Variants in FAAH2 observed in about 807,000 individuals in gnomAD.
FAAH2 encodes fatty-acid amide hydrolase 2.
Under a neutral mutation model 36.9 loss-of-function variants are expected in FAAH2, and 60 were observed. The ratio of observed to expected loss-of-function variants is 1.63; its 90% CI spans 1.32 to 2.02. FAAH2 has a LOEUF of 2.02. Among genes scored for constraint, FAAH2 ranks in the 30% most tolerant of loss-of-function variants. The probability of loss-of-function intolerance (pLI) is 0.00; values close to 1 mark genes in which losing one functional copy is unlikely to be tolerated. For missense variants in FAAH2, 689 were observed against 397.5 expected, an observed-to-expected ratio of 1.73 and a Z score of -6.23; for synonymous variants, 214 against 143.8, an observed-to-expected ratio of 1.49 and a Z score of -3.49.
chrX:57,368,149 C>A lies in FAAH2; in HGVS notation c.743-10502C>A, dbSNP rs183904154. 2.7e-5 allele frequency among the ~76,000 whole-genome samples: 3 copies of A among 110,905 alleles called. No individual in the cohort carries two copies. In the East Asian group the frequency reaches 8.6e-4, roughly 32 times the overall value. On this transcript the variant is annotated intron_variant, in intron 5 of 10. Transcript: ENST00000374900. ...CCCCATTCCAGTGTCTACCATACCC[C>A]AACCCTGGTTACTCCAAGCCTGGCT...
At chrX:57,360,840 C>T (rs769548530) in intron 5 of FAAH2, among the ~76,000 whole-genome samples, 3 of 110,120 alleles carry the variant, frequency 2.7e-5, no homozygotes, top group Non-Finnish European at 5.7e-5. Flanking sequence ...CCCCACCCAC[C>T]GACAGGCCCC....
intron 10 of FAAH2, among the ~76,000 whole-genome samples, chrX:57,483,073 G>A (rs1162486967): frequency 1.8e-5 from 2 of 111,349 alleles, no homozygotes; most frequent in Admixed American, 9.6e-5. Flanking sequence ...TTAGCAAAAT[G>A]TTCCTGAATT....
At chrX:57,270,353 C>T in the FAAH2 span, among the ~76,000 whole-genome samples, 1 of 111,641 alleles carries the variant, frequency 9.0e-6, no homozygotes, top group Non-Finnish European at 1.9e-5. Flanking sequence ...TGGACGCCTC[C>T]TTAATTCATT....
the FAAH2 span, among the ~76,000 whole-genome samples, chrX:57,192,917 A>G: frequency 8.6e-3 from 959 of 111,524 alleles, 9 homozygotes; most frequent in African/African-American, 0.03. Context: ...GCTGAGGAGG[A>G]TGTATGTCAC....
chrX:57,186,498 C>T, the FAAH2 span, among the ~76,000 whole-genome samples: 2 of 111,888 alleles, frequency 1.8e-5, no homozygotes, highest in Admixed American at 1.9e-4. Context: ...AAAATTTTCT[C>T]CTATTCCATG....
intron 3 of FAAH2, among the ~76,000 whole-genome samples, chrX:57,328,774 G>C (rs1015649827): frequency 9.0e-6 from 1 of 111,610 alleles, no homozygotes; most frequent in African/African-American, 3.3e-5. Context: ...TTTGATTATG[G>C]TATAAGGTAG....
chrX:57,449,133 A>G (rs954688247), intron 10 of FAAH2, among the ~76,000 whole-genome samples: 1 of 112,188 alleles, frequency 8.9e-6, no homozygotes, highest in Non-Finnish European at 1.9e-5. Flanking sequence ...TACTTGACTT[A>G]GCTATCATCC....
chrX:57,370,048 C>A (rs1158241177), intron 5 of FAAH2, among the ~76,000 whole-genome samples: 1 of 110,599 alleles, frequency 9.0e-6, no homozygotes, highest in Non-Finnish European at 1.9e-5. Context: ...CCACTAACAG[C>A]AAATTACAGC....
intron 7 of FAAH2, among the ~76,000 whole-genome samples, chrX:57,388,196 A>G (rs2055073755): frequency 9.0e-6 from 1 of 111,491 alleles, no homozygotes; most frequent in African/African-American, 3.3e-5. Context: ...TCTAAAGTTA[A>G]TAACTTTATA....
the FAAH2 span, among the ~76,000 whole-genome samples, chrX:57,163,118 C>T: frequency 8.9e-6 from 1 of 111,858 alleles, no homozygotes; most frequent in South Asian, 3.8e-4. Flanking sequence ...GAATACCCTG[C>T]CCTGTGAGGT....
the FAAH2 span, among the ~76,000 whole-genome samples, chrX:57,258,847 T>C: frequency 9.3e-6 from 1 of 107,451 alleles, no homozygotes; most frequent in Non-Finnish European, 1.9e-5. Context: ...TAGCTGGGAC[T>C]ACAGGCACCT....
At chrX:57,403,007 A>C (rs1402136792) in intron 7 of FAAH2, among the ~76,000 whole-genome samples, 3 of 112,159 alleles carry the variant, frequency 2.7e-5, no homozygotes, top group Non-Finnish European at 5.6e-5. Context: ...TCTCCATGTC[A>C]GATCAAAGGA....
At chrX:57,219,031 G>A in the FAAH2 span, among the ~76,000 whole-genome samples, 14 of 111,652 alleles carry the variant, frequency 1.3e-4, no homozygotes, top group East Asian at 2.8e-4. Context: ...CAGTGTGTGC[G>A]GCAGCATGCA....
intron 7 of FAAH2, among the ~76,000 whole-genome samples, chrX:57,424,061 T>G: frequency 9.0e-6 from 1 of 111,682 alleles, no homozygotes; most frequent in Non-Finnish European, 1.9e-5. Context: ...CCCCAGCTAC[T>G]CAGTAGGTCT....
intron 4 of FAAH2, among the ~76,000 whole-genome samples, chrX:57,335,329 T>G (rs1391460406): frequency 2.7e-5 from 3 of 111,610 alleles, no homozygotes; most frequent in Non-Finnish European, 5.6e-5. Context: ...CGTATTATTA[T>G]TGATCATTAT....
chrX:57,279,579 C>A, the FAAH2 span, among the ~76,000 whole-genome samples: 2 of 110,788 alleles, frequency 1.8e-5, no homozygotes, highest in African/African-American at 6.6e-5. Flanking sequence ...GCACATGTAA[C>A]CCCAAACTTA....
At position 57,447,703 on chromosome X, in the gene FAAH2, G is replaced by A. The variant is rs763756546; in HGVS notation, c.1228+664G>A. On this transcript the variant is annotated intron_variant, in intron 9 of 10. Transcript: ENST00000374900. ...CCCTTTTAGCCATGATTCTAGCCATGGCTAGAGGGGCTGGAATGCAGGGCA... is the reference window on the plus strand; with the variant it reads ...CCCTTTTAGCCATGATTCTAGCCATAGCTAGAGGGGCTGGAATGCAGGGCA... Among the ~76,000 whole-genome samples the A allele has an allele frequency of 1.3e-3, 131 of 102,808 alleles. 1 individual carries two copies. Among genetic ancestry groups the A allele is most frequent in the Admixed American group, 3.5e-3 (32 of 9,209 alleles). The allele number at this position is 102,808 out of a possible 115,157, so 89.3% of individuals were successfully genotyped here. A position where few individuals can be genotyped will look rare whatever the true frequency, so the allele number is the denominator to read the frequency against.
the FAAH2 span, among the ~76,000 whole-genome samples, chrX:57,170,899 A>G: frequency 2.7e-5 from 3 of 109,134 alleles, no homozygotes; most frequent in African/African-American, 6.7e-5. Context: ...TAGTAGAGAC[A>G]GGGTTTCACC....
the FAAH2 span, among the ~76,000 whole-genome samples, chrX:57,177,652 AAAAAG>A: frequency 3.1e-5 from 3 of 98,080 alleles, no homozygotes; most frequent in Admixed American, 1.1e-4. Flanking sequence ...AAAAAAAAAA[AAAAAG>A]AAGAAAGTCT....
Sources: allele counts gnomAD v4.1 joint callset (sites outside exome capture counted in the v4.1 genomes callset), GRCh38; gene constraint gnomAD v4.1.1; transcripts MANE v1.5; gene names NCBI Gene and HGNC (gene_info 2026-07-23, HGNC 2026-07-21).